The following PTPA variants were observed in gnomAD, a reference collection of about 807,000 sequenced individuals.
The protein encoded by PTPA is serine/threonine-protein phosphatase 2A activator.
PTPA carries 13 observed loss-of-function variants against 43.6 expected under a neutral mutation model. The ratio of observed to expected loss-of-function variants is 0.30; its 90% CI spans 0.19 to 0.47. PTPA has a LOEUF of 0.47. PTPA is among the 20% of genes least tolerant of loss of function. PTPA has a pLI of 0.99. For synonymous variants in PTPA, 172 were observed against 158.2 expected, an observed-to-expected ratio of 1.09 and a Z score of -0.66; for missense variants, 329 against 411.9, an observed-to-expected ratio of 0.80 and a Z score of 1.74.
chr9:129,131,377 C>T (rs1474705010), intron 4 of PTPA, 145 bp from the exon 5 acceptor site: 2 of 660,202 alleles, frequency 3.0e-6, no homozygotes, highest in East Asian at 2.6e-5. Flanking sequence ...CTGTCCCTCC[C>T]CTTCCTTCTG....
intron 4 of PTPA, among the ~76,000 whole-genome samples, 174 bp from the exon 5 acceptor site, chr9:129,131,348 T>C (rs1357086581): frequency 6.6e-6 from 1 of 152,250 alleles, no homozygotes; most frequent in African/African-American, 2.4e-5. Context: ...GGTAGTCTTC[T>C]GCTGTGGAAG....
Position 129,147,619 on chromosome 9 carries a change from A to C in PTPA, c.*155A>C. On this transcript the variant is annotated 3_prime_UTR_variant, in exon 10 of 10. Coordinates refer to ENST00000393370, the MANE Select transcript of PTPA (RefSeq NM_178000.3). ...TGGCGAGATGGGCTTGAGGGGGCTC[A>C]GAGCATAAGGCTTCAGGGCCCAAGT... 1 of 790,930 alleles carries C rather than the reference A, an allele frequency of 1.3e-6. No homozygotes were observed. The highest frequency in any genetic ancestry group is 2.0e-6 in the Non-Finnish European group (1 of 503,740). 49.0% of individuals were successfully genotyped at this position (790,930 alleles called of 1,614,324 possible). A position where few individuals can be genotyped will look rare whatever the true frequency, so the allele number is the denominator to read the frequency against.
At chr9:129,116,352 T>G (rs1431277032) in intron 1 of PTPA, among the ~76,000 whole-genome samples, 4 of 28,752 alleles carry the variant, frequency 1.4e-4, no homozygotes, top group Non-Finnish European at 4.9e-4. Context: ...GCCCAGCTAA[T>G]TTTTTTTGTA....
intron 1 of PTPA, among the ~76,000 whole-genome samples, chr9:129,115,556 T>C (rs1401720450): frequency 1.3e-5 from 2 of 152,236 alleles, no homozygotes; most frequent in Non-Finnish European, 2.9e-5. Flanking sequence ...AGCCAGGTTT[T>C]AGGAGGAAGG....
intron 5 of PTPA, among the ~76,000 whole-genome samples, chr9:129,133,990 C>A (rs1016961507): frequency 6.6e-6 from 1 of 152,236 alleles, no homozygotes; most frequent in Non-Finnish European, 1.5e-5. Flanking sequence ...TTAGGGGAAA[C>A]CTTGAACCCT....
At chr9:129,142,342 G>A in intron 8 of PTPA, 103 bp from the exon 9 acceptor site, 1 of 1,039,864 alleles carries the variant, frequency 9.6e-7, no homozygotes, top group African/African-American at 1.6e-5. Context: ...GTGCGTTTGT[G>A]TGTGTGTGTG....
At position 129,134,296 on chromosome 9, in the gene PTPA, CTTTTTTTTTTTTTTTTTT is replaced by C. The variant is rs68089837; in HGVS notation, c.461-488_461-471del. Among the ~76,000 whole-genome samples, 346 of 56,924 alleles carry C rather than the reference CTTTTTTTTTTTTTTTTTT, an allele frequency of 6.1e-3. 7 individuals are homozygous for C. Among genetic ancestry groups the C allele is most frequent in the African/African-American group, 0.025 (321 of 12,808 alleles). The allele number at this position is 56,924 out of a possible 152,430, so 37.3% of individuals were successfully genotyped here. On this transcript the variant is annotated intron_variant, in intron 5 of 9. Transcript: ENST00000393370. ...GAGTGGAATTATAGTACTGGTAGTT[CTTTTTTTTTTTTTTTTTT>C]TTTTTTTTTTGAGACAGTCTCACTT...
chr9:129,137,794 CA>C (rs781308272), intron 8 of PTPA, 102 bp downstream of exon 8: 2 of 1,130,660 alleles, frequency 1.8e-6, no homozygotes, highest in South Asian at 2.7e-5. Flanking sequence ...AGCTGCTGCC[CA>C]AAATGGCAGG....
chr9:129,135,447 A>G (rs1850302761), intron 6 of PTPA, among the ~76,000 whole-genome samples: 1 of 152,252 alleles, frequency 6.6e-6, no homozygotes, highest in South Asian at 2.1e-4. Context: ...AGTGTTGACC[A>G]TATGGAGGAA....
At chr9:129,122,372 G>A (rs978250223) in intron 2 of PTPA, among the ~76,000 whole-genome samples, 2 of 152,186 alleles carry the variant, frequency 1.3e-5, no homozygotes, top group African/African-American at 4.8e-5. Flanking sequence ...CAAAGTGCTA[G>A]GATTACAGAC....
chr9:129,144,873 A>G (rs1371912940), intron 9 of PTPA, among the ~76,000 whole-genome samples: 1 of 152,104 alleles, frequency 6.6e-6, no homozygotes, highest in Non-Finnish European at 1.5e-5. Flanking sequence ...TCTCTACTAA[A>G]AATATAAAAA....
intron 9 of PTPA, chr9:129,142,804 T>C (rs1013931198): frequency 2.0e-6 from 3 of 1,535,494 alleles, no homozygotes; most frequent in Middle Eastern, 1.7e-4. Context: ...GCTTGGAGGC[T>C]GAGGCAAGGA....
intron 8 of PTPA, chr9:129,139,969 T>C (rs1850649560): frequency 6.6e-6 from 1 of 152,410 alleles, no homozygotes; most frequent in Non-Finnish European, 1.5e-5. Context: ...TCAGTTTCAA[T>C]CTGGCTTCTA....
At chr9:129,126,867 A>T (rs1160919403) in intron 3 of PTPA, among the ~76,000 whole-genome samples, 1 of 152,162 alleles carries the variant, frequency 6.6e-6, no homozygotes, top group East Asian at 1.9e-4. Context: ...TCATTGGCCC[A>T]GCTGAGCTAG....
rs570226072 is a variant in PTPA at position 129,118,251 on chromosome 9, A to G, written c.32-2262A>G. ...GTATTTTTAGTAGAGATGGGGTTTC[A>G]CCTTGTTGGCCAGGCTGGTTTCGAA... On this transcript the variant is annotated intron_variant, in intron 1 of 9. Transcript: ENST00000393370. Among the ~76,000 whole-genome samples the G allele has an allele frequency of 1.3e-4, 19 of 150,902 alleles. No individual in the cohort carries two copies. The South Asian group carries it at 4.0e-3, about 32-fold the overall frequency.
intron 1 of PTPA, among the ~76,000 whole-genome samples, chr9:129,113,128 C>G (rs916012413): frequency 2.0e-5 from 3 of 151,790 alleles, no homozygotes; most frequent in Admixed American, 2.0e-4. Context: ...GTGTCTCACT[C>G]TGTCCCCCAG....
chr9:129,120,408 G>A (rs1849171796), intron 1 of PTPA, 105 bp from the exon 2 acceptor site: 2 of 836,628 alleles, frequency 2.4e-6, no homozygotes, highest in Non-Finnish European at 3.6e-6. Context: ...TGGGCAACAA[G>A]AGCAAAACTC....
chr9:129,142,135 G>T (rs1850901306), intron 8 of PTPA: 1 of 303,206 alleles, frequency 3.3e-6, no homozygotes, highest in Admixed American at 5.1e-5. Flanking sequence ...ATAGGAATCA[G>T]GCCCCCTTTT....
intron 2 of PTPA, 92 bp downstream of exon 2, chr9:129,120,702 T>A: frequency 8.9e-7 from 1 of 1,117,320 alleles, no homozygotes; most frequent in Non-Finnish European, 1.3e-6. Context: ...CCCTTCTTGC[T>A]CTTGGAGCCT....
Sources: gnomAD v4.1 joint callset for allele counts (sites outside exome capture counted in the v4.1 genomes callset) on GRCh38, gnomAD v4.1.1 for gene constraint, MANE v1.5 for transcripts, NCBI Gene and HGNC (gene_info 2026-07-23, HGNC 2026-07-21) for gene names.